Variants in RBFOX1 observed in about 807,000 individuals in gnomAD.
RBFOX1 encodes the protein RNA binding protein fox-1 homolog 1.
RBFOX1 carries 8 observed loss-of-function variants against 57.7 expected under a neutral mutation model. That is an observed-to-expected ratio of 0.14 (90% CI 0.08 to 0.25). The LOEUF is 0.25. RBFOX1 is among the 10% of genes least tolerant of loss of function. The pLI, the probability that RBFOX1 is intolerant of heterozygous loss-of-function variation, is 1.00. For synonymous variants in RBFOX1, 326 were observed against 222.4 expected (o/e 1.47, Z -4.15); for missense variants, 611 against 548.5 (o/e 1.11, Z -1.14).
intron 4 of RBFOX1, among the ~76,000 whole-genome samples, chr16:7,285,812 T>C (rs1190374705): frequency 6.6e-6 from 1 of 152,228 alleles, no homozygotes; most frequent in East Asian, 1.9e-4. Flanking sequence ...ACTCCTGGAT[T>C]TAGCTCTTAT....
At chr16:6,811,925 C>G (rs766612490) in intron 3 of RBFOX1, among the ~76,000 whole-genome samples, 1 of 152,112 alleles carries the variant, frequency 6.6e-6, no homozygotes, top group Non-Finnish European at 1.5e-5. Flanking sequence ...ATATAAGGCA[C>G]AGAAAAAAAT....
At chr16:5,588,410 C>T (rs2046901969) in intron 2 of RBFOX1, among the ~76,000 whole-genome samples, 1 of 152,054 alleles carries the variant, frequency 6.6e-6, no homozygotes, top group Non-Finnish European at 1.5e-5. Flanking sequence ...GAGGCCGAGT[C>T]CCCTTCCTGG....
At chr16:7,088,542 TTG>T (rs2060329792) in intron 4 of RBFOX1, among the ~76,000 whole-genome samples, 1 of 61,124 alleles carries the variant, frequency 1.6e-5, no homozygotes. Flanking sequence ...TTGTTTTTTG[TTG>T]TTTTTTTTTC....
chr16:7,653,952 G>A lies in RBFOX1; in HGVS notation c.890+5G>A. The A allele has an allele frequency of 2.0e-6, 3 of 1,507,140 alleles. No individual in the cohort carries two copies. The highest frequency in any genetic ancestry group is 2.6e-6 in the Non-Finnish European group (3 of 1,135,414). The allele number at this position is 1,507,140 out of a possible 1,614,324, so 93.4% of individuals were successfully genotyped here. ...CCCGATCCCGGCCTACGGCGGGTAA[G>A]TGGGGCAGCCTCCTGGGTGGGCCTC... On this transcript the variant is annotated splice_donor_5th_base_variant and intron_variant, in intron 12 of 15. Transcript: ENST00000550418.
At chr16:7,461,175 A>ATT (rs201758297) in intron 4 of RBFOX1, among the ~76,000 whole-genome samples, 4,725 of 147,838 alleles carry the variant, frequency 0.032, 248 homozygotes, top group African/African-American at 0.11. Context: ...AGGCAAAACA[A>ATT]TTTTTTTTTT....
intron 4 of RBFOX1, among the ~76,000 whole-genome samples, chr16:7,346,777 A>G (rs193144675): frequency 2.6e-5 from 4 of 152,312 alleles, no homozygotes; most frequent in East Asian, 1.9e-4. Flanking sequence ...TGAGACCCAT[A>G]CGATCATGTG....
chr16:7,572,520 C>T (rs1602169585), intron 5 of RBFOX1, among the ~76,000 whole-genome samples: 1 of 152,070 alleles, frequency 6.6e-6, no homozygotes, highest in Non-Finnish European at 1.5e-5. Flanking sequence ...GAACATTCTG[C>T]AGTGCACAGG....
intron 4 of RBFOX1, among the ~76,000 whole-genome samples, chr16:7,503,640 G>A (rs755183886): frequency 1.6e-4 from 25 of 152,176 alleles, no homozygotes; most frequent in Non-Finnish European, 1.8e-4. Context: ...AAAGTGGGCT[G>A]GTGAAAGGAG....
At chr16:7,563,422 T>G (rs188427251) in intron 5 of RBFOX1, among the ~76,000 whole-genome samples, 17 of 152,330 alleles carry the variant, frequency 1.1e-4, no homozygotes, top group Middle Eastern at 6.8e-3. Flanking sequence ...TTTCGAAGTC[T>G]ATAAATGTGT....
chr16:6,885,541 A>AT (rs71147618), intron 3 of RBFOX1, among the ~76,000 whole-genome samples: 30,415 of 151,106 alleles, frequency 0.2, 3,258 homozygotes, highest in East Asian at 0.28. Context: ...TATTTTTTTT[A>AT]TTTTTTTTGA....
At chr16:6,664,250 A>C (rs988536334) in intron 3 of RBFOX1, among the ~76,000 whole-genome samples, 2 of 152,140 alleles carry the variant, frequency 1.3e-5, no homozygotes, top group African/African-American at 4.8e-5. Flanking sequence ...TCTGCATTTT[A>C]CATCCTATGC....
At chr16:5,911,915 G>A (rs932334383) in intron 4 of RBFOX1, among the ~76,000 whole-genome samples, 1 of 152,130 alleles carries the variant, frequency 6.6e-6, no homozygotes, top group African/African-American at 2.4e-5. Flanking sequence ...TGGGGATTCG[G>A]ATTTCAGTAT....
intron 3 of RBFOX1, among the ~76,000 whole-genome samples, chr16:5,664,210 G>A (rs1278270077): frequency 3.3e-5 from 5 of 152,172 alleles, no homozygotes; most frequent in Non-Finnish European, 7.3e-5. Flanking sequence ...TGACTTGGGG[G>A]TTCTCGAGCC....
At chr16:5,875,222 T>C (rs369962366) in intron 4 of RBFOX1, among the ~76,000 whole-genome samples, 38 of 152,250 alleles carry the variant, frequency 2.5e-4, no homozygotes, top group African/African-American at 8.7e-4. Context: ...GAAATAACTG[T>C]GAATGCCTCC....
At chr16:7,667,788 C>G (rs746876475) in intron 13 of RBFOX1, among the ~76,000 whole-genome samples, 7 of 152,160 alleles carry the variant, frequency 4.6e-5, no homozygotes, top group Non-Finnish European at 7.3e-5. Context: ...ATTCTCCTGC[C>G]TCAGCTTCCT....
rs532394296 is a variant in RBFOX1, at chr16:6,140,818, G to A, written c.-127+120826G>A. On this transcript the variant is annotated intron_variant, in intron 1 of 15. Coordinates refer to ENST00000550418, the MANE Select transcript of RBFOX1 (RefSeq NM_018723.4). Reference sequence around the variant, plus strand: ...CAAGCTGTGTTTCCTTCTCACTTCTGAAAAAAGAGCAATCTGTGGTTTGGT... The same window carrying A: ...CAAGCTGTGTTTCCTTCTCACTTCTAAAAAAAGAGCAATCTGTGGTTTGGT... Among the ~76,000 whole-genome samples, 4 of 152,164 alleles carry A rather than the reference G, an allele frequency of 2.6e-5. No individual in the cohort carries two copies. The East Asian group carries it at 7.7e-4, about 29-fold the overall frequency.
At chr16:5,826,759 G>C (rs1156405221) in intron 3 of RBFOX1, among the ~76,000 whole-genome samples, 1 of 152,132 alleles carries the variant, frequency 6.6e-6, no homozygotes, top group Non-Finnish European at 1.5e-5. Flanking sequence ...TTTTATATGT[G>C]TATTTTAACA....
chr16:7,700,680 C>G (rs558658662), intron 14 of RBFOX1, among the ~76,000 whole-genome samples: 1 of 152,180 alleles, frequency 6.6e-6, no homozygotes, highest in African/African-American at 2.4e-5. Context: ...AATGTGCCTA[C>G]AGCTCCTTTT....
chr16:5,270,350 G>C, intron 1 of RBFOX1: 2 of 1,007,758 alleles, frequency 2.0e-6, no homozygotes, highest in South Asian at 1.3e-5. Context: ...AATTGCATCT[G>C]ATGGTCTCAA....
Sources: allele counts gnomAD v4.1 joint callset (sites outside exome capture counted in the v4.1 genomes callset), GRCh38; gene constraint gnomAD v4.1.1; transcripts MANE v1.5; gene names NCBI Gene and HGNC (gene_info 2026-07-23, HGNC 2026-07-21).